AK9: variants seen among roughly 807,000 people sequenced by gnomAD.
The protein encoded by AK9 is adenylate kinase domain containing 1.
A neutral mutation model predicts 239.6 loss-of-function variants in AK9; 191 were observed. The ratio of observed to expected loss-of-function variants is 0.80; its 90% CI spans 0.71 to 0.90. The LOEUF (loss-of-function observed/expected upper bound fraction) is 0.90. Ranked by LOEUF, AK9 falls within the 40% of genes least tolerant of loss-of-function variation. The pLI, the probability that AK9 is intolerant of heterozygous loss-of-function variation, is 0.00. For synonymous variants in AK9, 689 were observed against 721.0 expected (o/e 0.96, Z 0.71); for missense variants, 1,995 against 2,214.7 (o/e 0.90, Z 1.99).
At chr6:109,521,456 C>T (rs924384325) in intron 29 of AK9, among the ~76,000 whole-genome samples, 4 of 95,506 alleles carry the variant, frequency 4.2e-5, no homozygotes, top group African/African-American at 1.1e-4. Context: ...TTTGATTCCC[C>T]ATCAAGAAGA....
intron 1 of AK9, among the ~76,000 whole-genome samples, chr6:109,689,302 A>G (rs1773975815): frequency 6.6e-6 from 1 of 152,190 alleles, no homozygotes; most frequent in African/African-American, 2.4e-5. Flanking sequence ...GAGTGCTGCA[A>G]AGGGTGGAAT....
chr6:109,537,433 G>A (rs144404859), intron 27 of AK9, among the ~76,000 whole-genome samples: 1,674 of 148,190 alleles, frequency 0.011, 32 homozygotes, highest in African/African-American at 0.039. Flanking sequence ...TTGCATTTCT[G>A]TGGGATTGGT....
intron 9 of AK9, 80 bp from the exon 10 acceptor site, chr6:109,641,696 C>T (rs1048876646): frequency 1.4e-5 from 17 of 1,238,928 alleles, no homozygotes; most frequent in Non-Finnish European, 1.8e-5. Context: ...GGCTTATGAG[C>T]CAAGACCATG....
chr6:109,542,353 T>C (rs1783007686), intron 26 of AK9, among the ~76,000 whole-genome samples, 182 bp from the exon 27 acceptor site: 1 of 152,092 alleles, frequency 6.6e-6, no homozygotes, highest in South Asian at 2.1e-4. Flanking sequence ...GGCAGGATAA[T>C]GGGTACAAAC....
At chr6:109,601,792 G>C (rs1355306756) in intron 17 of AK9, among the ~76,000 whole-genome samples, 1 of 151,924 alleles carries the variant, frequency 6.6e-6, no homozygotes, top group Admixed American at 6.6e-5. Flanking sequence ...GTTTAGGATA[G>C]TTAGCTCTTC....
intron 7 of AK9, among the ~76,000 whole-genome samples, chr6:109,658,814 T>C (rs1291092650): frequency 6.6e-6 from 1 of 151,696 alleles, no homozygotes; most frequent in Non-Finnish European, 1.5e-5. Context: ...AGCATGAAGC[T>C]TAAATTAAAA....
At chr6:109,586,772 T>C (rs1485914945) in intron 17 of AK9, among the ~76,000 whole-genome samples, 3 of 152,208 alleles carry the variant, frequency 2.0e-5, no homozygotes, top group Non-Finnish European at 2.9e-5. Context: ...AATTCTTGTC[T>C]TCCTGCTTCT....
intron 1 of AK9, among the ~76,000 whole-genome samples, chr6:109,683,980 G>A (rs1384479167): frequency 1.3e-5 from 2 of 152,096 alleles, no homozygotes; most frequent in African/African-American, 2.4e-5. Flanking sequence ...GAGGCATCAC[G>A]CTACCTGACT....
intron 12 of AK9, chr6:109,632,164 T>A: frequency 2.0e-6 from 2 of 985,408 alleles, no homozygotes; most frequent in Non-Finnish European, 2.4e-6. Flanking sequence ...ATGTTTGTCA[T>A]GTTTCACAAT....
intron 1 of AK9, among the ~76,000 whole-genome samples, chr6:109,680,661 A>C (rs1033508204): frequency 2.6e-5 from 4 of 152,232 alleles, no homozygotes; most frequent in African/African-American, 9.6e-5. Flanking sequence ...CGTCAGATTC[A>C]CCAAGGTTGA....
At chr6:109,671,676 T>C (rs1346922605) in intron 5 of AK9, among the ~76,000 whole-genome samples, 1 of 152,198 alleles carries the variant, frequency 6.6e-6, no homozygotes, top group Non-Finnish European at 1.5e-5. Flanking sequence ...TTTCTGATGC[T>C]TTTACTGGAT....
chr6:109,515,975 A>G lies in AK9; in HGVS notation c.3947T>C (p.Val1316Ala). The part of the protein sequence containing the change: ...YTLNMKLKPL[V>A]ENRASIFEKC... The stretch of plus-strand genomic sequence containing the variant: ...CTCAAAAATGCTTGCACGATTTTCC[A>G]CCAGTGGTTTCAGTTTCATATTCAA... The change falls in exon 31 of 41, where the codon GTG becomes GCG. Residue 1316 changes from valine to alanine, a missense_variant. By Grantham distance (64) the Val-to-Ala change is moderately conservative (BLOSUM62 0). This residue lies in a region of AK9 where 1,290 missense variants were observed against 1,392.7 expected (regional missense o/e 0.93). Transcript: ENST00000424296. 2 of 1,551,482 alleles carry G rather than the reference A, an allele frequency of 1.3e-6. No homozygotes were observed. The highest frequency in any genetic ancestry group is 1.7e-6 in the Non-Finnish European group (2 of 1,146,782).
chr6:109,675,788 G>C, intron 1 of AK9, 32 bp from the exon 2 acceptor site: 1 of 1,342,406 alleles, frequency 7.4e-7, no homozygotes, highest in Non-Finnish European at 1.0e-6. Context: ...TTGTTAACTT[G>C]TCTAATTTGG....
At chr6:109,632,756 C>T (rs1796224635) in intron 12 of AK9, 167 bp downstream of exon 12, 11 of 1,346,170 alleles carry the variant, frequency 8.2e-6, no homozygotes, top group Admixed American at 7.1e-5. Flanking sequence ...CCTACCCTAC[C>T]CCAAGCCCAG....
chr6:109,584,799 T>C (rs1431714873), intron 19 of AK9, among the ~76,000 whole-genome samples: 3 of 152,122 alleles, frequency 2.0e-5, no homozygotes, highest in African/African-American at 7.2e-5. Context: ...AATTTGTAAA[T>C]GCTAGTTAAC....
At chr6:109,538,952 T>C (rs1490356213) in intron 27 of AK9, among the ~76,000 whole-genome samples, 1 of 152,214 alleles carries the variant, frequency 6.6e-6, no homozygotes, top group African/African-American at 2.4e-5. Flanking sequence ...TTCTGGCTTG[T>C]AGAGTTTCTG....
chr6:109,642,838 C>T (rs1006388001), intron 9 of AK9, among the ~76,000 whole-genome samples: 3 of 152,048 alleles, frequency 2.0e-5, no homozygotes, highest in Non-Finnish European at 4.4e-5. Context: ...AAATGACTAG[C>T]AGACATCCAA....
intron 36 of AK9, among the ~76,000 whole-genome samples, chr6:109,498,706 C>A (rs1032449624): frequency 1.3e-5 from 2 of 152,230 alleles, no homozygotes; most frequent in African/African-American, 2.4e-5. Context: ...CCTTCAGCAC[C>A]CCTGGGTGCT....
intron 35 of AK9, among the ~76,000 whole-genome samples, chr6:109,503,409 C>T (rs961158845): frequency 3.9e-5 from 6 of 152,096 alleles, no homozygotes; most frequent in Admixed American, 6.5e-5. Flanking sequence ...TTCTGGATGA[C>T]ATCTGGCAAT....
Sources: allele counts gnomAD v4.1 joint callset (sites outside exome capture counted in the v4.1 genomes callset), GRCh38; gene constraint gnomAD v4.1.1; regional missense constraint gnomAD v4.1.1; transcripts MANE v1.5; gene names NCBI Gene and HGNC (gene_info 2026-07-23, HGNC 2026-07-21).